DCDC2C: variants seen among roughly 807,000 people sequenced by gnomAD.
DCDC2C encodes doublecortin domain-containing protein 2C.
In DCDC2C, 44 loss-of-function variants were observed where a neutral mutation model predicts 45.0. The ratio of observed to expected loss-of-function variants is 0.98; its 90% CI spans 0.77 to 1.26. The LOEUF is 1.26. DCDC2C is among the 50% of genes most tolerant of loss of function. The pLI is 0.00. For synonymous variants in DCDC2C, 187 were observed against 178.8 expected (o/e 1.05, Z -0.37); for missense variants, 447 against 468.9 (o/e 0.95, Z 0.43).
At chr2:3,716,495 G>A (rs567156614) in intron 2 of DCDC2C, among the ~76,000 whole-genome samples, 2 of 152,210 alleles carry the variant, frequency 1.3e-5, no homozygotes, top group African/African-American at 4.8e-5. Flanking sequence ...GGGCAGAAAA[G>A]AATAGAAGAG....
intron 2 of DCDC2C, among the ~76,000 whole-genome samples, chr2:3,709,954 C>T (rs940245216): frequency 4.6e-5 from 7 of 152,182 alleles, no homozygotes; most frequent in East Asian, 1.9e-4. Flanking sequence ...TCTACACCCG[C>T]GCTGGCCTTG....
At chr2:3,748,493 T>G in intron 4 of DCDC2C, among the ~76,000 whole-genome samples, 1 of 150,750 alleles carries the variant, frequency 6.6e-6, no homozygotes, top group African/African-American at 2.4e-5. Context: ...AAGGGGGAAG[T>G]GGGAGGAGGA....
At chr2:3,718,368 C>T (rs1668400850) in intron 2 of DCDC2C, among the ~76,000 whole-genome samples, 1 of 152,200 alleles carries the variant, frequency 6.6e-6, no homozygotes, top group Admixed American at 6.5e-5. Context: ...GACGGCTTCT[C>T]TGGCTCTTAG....
intron 10 of DCDC2C, among the ~76,000 whole-genome samples, chr2:3,804,701 G>A (rs1671190590): frequency 6.6e-6 from 1 of 152,202 alleles, no homozygotes; most frequent in South Asian, 2.1e-4. Flanking sequence ...ATAAGGAAGA[G>A]TGATTAGTTG....
chr2:3,780,343 A>C (rs141971772), intron 9 of DCDC2C, among the ~76,000 whole-genome samples: 1 of 152,308 alleles, frequency 6.6e-6, no homozygotes, highest in East Asian at 1.9e-4. Flanking sequence ...GTGTCCCCTG[A>C]ATCCCTTGTG....
intron 10 of DCDC2C, among the ~76,000 whole-genome samples, chr2:3,824,916 G>A (rs114919851): frequency 5.7e-4 from 87 of 152,170 alleles, no homozygotes; most frequent in African/African-American, 2.1e-3. Flanking sequence ...ATCAAAATCT[G>A]GACCCAGAAT....
intron 10 of DCDC2C, among the ~76,000 whole-genome samples, chr2:3,790,617 G>A (rs1249792176): frequency 6.6e-6 from 1 of 152,002 alleles, no homozygotes; most frequent in African/African-American, 2.4e-5. Flanking sequence ...AAAATTAATC[G>A]CCTGCCCAGT....
intron 6 of DCDC2C, among the ~76,000 whole-genome samples, chr2:3,766,019 T>C (rs1436682230): frequency 6.6e-6 from 1 of 152,136 alleles, no homozygotes; most frequent in Non-Finnish European, 1.5e-5. Flanking sequence ...TGTAATGACA[T>C]GGTGCCTCCT....
At position 3,749,626 on chromosome 2, in the gene DCDC2C, C is replaced by T. The variant is rs117350831; in HGVS notation, c.546-3137C>T. Among the ~76,000 whole-genome samples, 9 of 152,248 alleles carry T rather than the reference C, an allele frequency of 5.9e-5. No homozygotes were observed. In the East Asian group the frequency reaches 7.7e-4, roughly 13 times the overall value. The stretch of plus-strand genomic sequence containing the variant: ...GCCGAGATGAGTTTAGGGAAGAGTC[C>T]GAGGGGAATGTGCCTGAACCGTTTG... On this transcript the variant is annotated intron_variant, in intron 4 of 10. Coordinates refer to ENST00000399143, the MANE Select transcript of DCDC2C (RefSeq NM_001287444.2).
intron 9 of DCDC2C, among the ~76,000 whole-genome samples, chr2:3,782,120 T>C (rs1314224599): frequency 2.0e-5 from 3 of 152,176 alleles, no homozygotes; most frequent in Non-Finnish European, 4.4e-5. Context: ...TGTCCTGCGC[T>C]AACTCCCCGT....
intron 3 of DCDC2C, among the ~76,000 whole-genome samples, chr2:3,738,529 G>C (rs960429818): frequency 1.9e-4 from 21 of 108,486 alleles, no homozygotes; most frequent in African/African-American, 7.8e-4. Flanking sequence ...TTTTTCTGCT[G>C]GTCTATCTGG....
At chr2:3,720,150 T>C (rs11889645) in intron 2 of DCDC2C, among the ~76,000 whole-genome samples, 15,536 of 152,196 alleles carry the variant, frequency 0.1, 1,650 homozygotes, top group African/African-American at 0.27. Flanking sequence ...GTGGCAAAGG[T>C]GTGTGTCTTT....
At chr2:3,736,475 T>C (rs1403952620) in intron 3 of DCDC2C, among the ~76,000 whole-genome samples, 2 of 152,106 alleles carry the variant, frequency 1.3e-5, no homozygotes, top group African/African-American at 4.8e-5. Flanking sequence ...CAGGGTGACT[T>C]CTCCTGTTGA....
At chr2:3,721,463 T>C (rs1330973818) in intron 2 of DCDC2C, among the ~76,000 whole-genome samples, 1 of 152,142 alleles carries the variant, frequency 6.6e-6, no homozygotes, top group Non-Finnish European at 1.5e-5. Flanking sequence ...TTTAGTTGGA[T>C]ATTTTGTGTG....
At chr2:3,794,593 C>T (rs11674152) in intron 10 of DCDC2C, among the ~76,000 whole-genome samples, 31,573 of 151,848 alleles carry the variant, frequency 0.21, 3,533 homozygotes, top group South Asian at 0.36. Context: ...TCAATTCCCA[C>T]CTATGAGTGA....
chr2:3,811,502 A>G (rs1671394448), intron 10 of DCDC2C, among the ~76,000 whole-genome samples: 1 of 152,156 alleles, frequency 6.6e-6, no homozygotes, highest in Non-Finnish European at 1.5e-5. Context: ...GGTTTTCTAA[A>G]TATACAGTCA....
chr2:3,724,701 G>A (rs1558563935), intron 2 of DCDC2C, among the ~76,000 whole-genome samples: 4 of 152,150 alleles, frequency 2.6e-5, no homozygotes, highest in South Asian at 2.1e-4. Flanking sequence ...TCTGGGTGTC[G>A]AGAAGCAGGG....
intron 6 of DCDC2C, among the ~76,000 whole-genome samples, chr2:3,756,408 G>C (rs1021702486): frequency 6.6e-6 from 1 of 152,172 alleles, no homozygotes; most frequent in Non-Finnish European, 1.5e-5. Context: ...CATTGTCCTG[G>C]TCTTTTCTTT....
At position 3,752,932 on chromosome 2, in the gene DCDC2C, T is replaced by C. The variant is rs965948393; in HGVS notation, c.683+32T>C. The stretch of plus-strand genomic sequence containing the variant: ...ATGCTTCGTACCTTTCTTTCCTGAG[T>C]TTTGGAAAAAAATTAGCCTTTTCCC... On this transcript the variant is annotated intron_variant, in intron 5 of 10. Transcript: ENST00000399143. 3 of 1,537,424 alleles carry C rather than the reference T, an allele frequency of 2.0e-6. No individual in the cohort carries two copies. In the African/African-American group the frequency reaches 4.1e-5, roughly 21 times the overall value.
Sources: gnomAD v4.1 joint callset for allele counts (sites outside exome capture counted in the v4.1 genomes callset) on GRCh38, gnomAD v4.1.1 for gene constraint, MANE v1.5 for transcripts, NCBI Gene and HGNC (gene_info 2026-07-23, HGNC 2026-07-21) for gene names.